The following ARMH4 variants were observed in gnomAD, a reference collection of about 807,000 sequenced individuals.
The protein encoded by ARMH4 is armadillo-like helical domain-containing protein 4.
ARMH4 carries 49 observed loss-of-function variants against 61.9 expected under a neutral mutation model. The observed-to-expected ratio is 0.79, with a 90% CI of 0.63 to 1.00. The LOEUF (loss-of-function observed/expected upper bound fraction) is 1.00, where lower values mean the gene tolerates loss of function less well. Among genes scored for constraint, ARMH4 ranks in the 50% least tolerant of loss-of-function variants. The pLI is 0.00. For synonymous variants in ARMH4, 368 were observed against 341.5 expected (o/e 1.08, Z -0.85); for missense variants, 934 against 930.0 (o/e 1.00, Z -0.06).
At chr14:58,149,540 A>G (rs1344106226) in intron 1 of ARMH4, among the ~76,000 whole-genome samples, 1 of 152,218 alleles carries the variant, frequency 6.6e-6, no homozygotes. Flanking sequence ...CCATCCCTGA[A>G]GACCACACCT....
intron 5 of ARMH4, among the ~76,000 whole-genome samples, chr14:58,081,419 A>G (rs778409859): frequency 7.2e-5 from 11 of 152,204 alleles, no homozygotes; most frequent in Non-Finnish European, 1.3e-4. Context: ...ATTATGGTGC[A>G]GAGAAGTTGA....
chr14:58,065,136 G>A (rs1235515077), intron 5 of ARMH4, among the ~76,000 whole-genome samples: 2 of 152,148 alleles, frequency 1.3e-5, no homozygotes, highest in African/African-American at 2.4e-5. Flanking sequence ...CAGCTACTTG[G>A]GAGGCTGAGG....
At chr14:58,012,072 C>A (rs1882428508) in intron 6 of ARMH4, 47 bp downstream of exon 6, 2 of 1,303,394 alleles carry the variant, frequency 1.5e-6, no homozygotes, top group East Asian at 2.5e-5. Context: ...CTTAATAAAG[C>A]TATATGCCCC....
chr14:58,047,224 A>G (rs8013363), intron 5 of ARMH4, among the ~76,000 whole-genome samples: 50,555 of 152,172 alleles, frequency 0.33, 8,470 homozygotes, highest in Non-Finnish European at 0.36. Flanking sequence ...AAAGTTGTCC[A>G]AATAATCCAA....
chr14:58,025,991 G>T (rs1417335158), intron 5 of ARMH4, among the ~76,000 whole-genome samples: 1 of 151,978 alleles, frequency 6.6e-6, no homozygotes, highest in Admixed American at 6.6e-5. Context: ...GTAATATTAA[G>T]AATGTCTTTA....
At chr14:58,053,222 C>T (rs1362696266) in intron 5 of ARMH4, among the ~76,000 whole-genome samples, 3 of 152,214 alleles carry the variant, frequency 2.0e-5, no homozygotes, top group South Asian at 2.1e-4. Flanking sequence ...ATCCTGCAGC[C>T]GGAGTGATGC....
chr14:58,039,249 G>A (rs1204044185), intron 5 of ARMH4, among the ~76,000 whole-genome samples: 1 of 152,172 alleles, frequency 6.6e-6, no homozygotes, highest in Non-Finnish European at 1.5e-5. Context: ...CAATCTGAGA[G>A]CTCTCCCCAC....
At chr14:58,039,055 C>T (rs1319966306) in intron 5 of ARMH4, among the ~76,000 whole-genome samples, 1 of 152,200 alleles carries the variant, frequency 6.6e-6, no homozygotes, top group Non-Finnish European at 1.5e-5. Context: ...CTGGACTGCT[C>T]CCAGGCAATG....
chr14:58,060,946 G>C (rs1398585112), intron 5 of ARMH4, among the ~76,000 whole-genome samples: 1 of 152,122 alleles, frequency 6.6e-6, no homozygotes, highest in Non-Finnish European at 1.5e-5. Context: ...GGTCCTCTCA[G>C]CTGGAACCAC....
intron 6 of ARMH4, among the ~76,000 whole-genome samples, chr14:58,011,833 T>C (rs1882420703): frequency 6.6e-6 from 1 of 151,366 alleles, no homozygotes; most frequent in Non-Finnish European, 1.5e-5. Context: ...AACTTCACCT[T>C]GATATGTCAA....
intron 4 of ARMH4, among the ~76,000 whole-genome samples, chr14:58,115,685 G>C (rs1220087863): frequency 6.6e-6 from 1 of 152,092 alleles, no homozygotes; most frequent in Non-Finnish European, 1.5e-5. Context: ...CCCAACAATG[G>C]TAGACTAACG....
At chr14:58,045,505 T>C (rs1883903064) in intron 5 of ARMH4, among the ~76,000 whole-genome samples, 1 of 151,856 alleles carries the variant, frequency 6.6e-6, no homozygotes, top group African/African-American at 2.4e-5. Context: ...GAGATATACC[T>C]AATGTAAATG....
chr14:58,014,681 T>A (rs1000318029), intron 5 of ARMH4, among the ~76,000 whole-genome samples: 1 of 152,222 alleles, frequency 6.6e-6, no homozygotes, highest in Non-Finnish European at 1.5e-5. Context: ...ATGTACATTG[T>A]GTTCGATCAG....
intron 5 of ARMH4, among the ~76,000 whole-genome samples, chr14:58,086,940 C>CA (rs1418470966): frequency 6.6e-6 from 1 of 152,042 alleles, no homozygotes; most frequent in African/African-American, 2.4e-5. Context: ...ATGTTTGATA[C>CA]ATGTTCTGGT....
intron 5 of ARMH4, among the ~76,000 whole-genome samples, chr14:58,025,418 A>G (rs1445397910): frequency 6.6e-6 from 1 of 152,162 alleles, no homozygotes. Context: ...TCAATATCAC[A>G]TCTTTCAAGG....
chr14:58,103,364 T>C (rs571155729), intron 4 of ARMH4, among the ~76,000 whole-genome samples: 38 of 152,238 alleles, frequency 2.5e-4, no homozygotes, highest in African/African-American at 8.9e-4. Flanking sequence ...CTTATAAAAA[T>C]GGCTATGGGA....
At chr14:58,054,671 G>C (rs1449727686) in intron 5 of ARMH4, among the ~76,000 whole-genome samples, 1 of 152,052 alleles carries the variant, frequency 6.6e-6, no homozygotes, top group Admixed American at 6.6e-5. Flanking sequence ...GCTGAGGCAG[G>C]CAGATTACCT....
intron 5 of ARMH4, among the ~76,000 whole-genome samples, chr14:58,049,086 A>C (rs991095221): frequency 2.6e-5 from 4 of 151,948 alleles, no homozygotes; most frequent in African/African-American, 7.3e-5. Flanking sequence ...AAACACAAAA[A>C]AAATTAGCCA....
At chr14:58,132,955 AG>A (rs1887167102) in intron 3 of ARMH4, 134 bp downstream of exon 3, 1 of 874,976 alleles carries the variant, frequency 1.1e-6, no homozygotes, top group African/African-American at 1.7e-5. Flanking sequence ...TTCCAGGTAA[AG>A]GTGTGTGTGT....
Sources: gnomAD v4.1 joint callset for allele counts (sites outside exome capture counted in the v4.1 genomes callset) on GRCh38, gnomAD v4.1.1 for gene constraint, MANE v1.5 for transcripts, NCBI Gene and HGNC (gene_info 2026-07-23, HGNC 2026-07-21) for gene names.